ASIC2: variants seen among roughly 807,000 people sequenced by gnomAD.
ASIC2 encodes acid-sensing ion channel 2.
ASIC2 carries 25 observed loss-of-function variants against 57.3 expected under a neutral mutation model. That is an observed-to-expected ratio of 0.44 (90% CI 0.32 to 0.61). ASIC2 has a LOEUF of 0.61. ASIC2 is among the 20% of genes least tolerant of loss of function. The pLI, the probability that ASIC2 is intolerant of heterozygous loss-of-function variation, is 0.06. For missense variants in ASIC2, 641 were observed against 738.1 expected (o/e 0.87, Z 1.52); for synonymous variants, 319 against 307.5 (o/e 1.04, Z -0.39).
intron 1 of ASIC2, among the ~76,000 whole-genome samples, chr17:34,031,136 C>T (rs1466476361): frequency 1.3e-5 from 2 of 152,200 alleles, no homozygotes; most frequent in Non-Finnish European, 2.9e-5. Flanking sequence ...TGACAATTCA[C>T]ATGGCCGGGT....
At chr17:33,167,660 G>A (rs1038036939) in intron 1 of ASIC2, among the ~76,000 whole-genome samples, 2 of 152,056 alleles carry the variant, frequency 1.3e-5, no homozygotes, top group South Asian at 4.2e-4. Context: ...CCTCATTCTG[G>A]CATTCAAGGT....
rs1009194037 is a variant in ASIC2, at chr17:34,142,390, G to T, written c.555+13588C>A. 2.0e-5 allele frequency among the ~76,000 whole-genome samples: 3 copies of T among 152,296 alleles called. No individual in the cohort carries two copies. In the East Asian group the frequency reaches 5.8e-4, roughly 29 times the overall value. On this transcript the variant is annotated intron_variant, in intron 1 of 9. Transcript: ENST00000359872. ...CAGAAATACATATAGTGCTGGATTA[G>T]AAGTCAAAAAGTTTGTGCGTAGGTG...
rs200730865 is a variant in ASIC2 at position 34,083,126 on chromosome 17, C to T, written c.555+72852G>A. Among the ~76,000 whole-genome samples the T allele has an allele frequency of 4.0e-5, 6 of 150,958 alleles. No homozygotes were observed. The East Asian group carries it at 1.2e-3, about 30-fold the overall frequency. On this transcript the variant is annotated intron_variant, in intron 1 of 9. Transcript: ENST00000359872. ...CATGCTGCTGCACTGCACCCACTAACTCGTCATCTAGCATTAGGTATATCT... is the reference window on the plus strand; with the variant it reads ...CATGCTGCTGCACTGCACCCACTAATTCGTCATCTAGCATTAGGTATATCT...
intron 1 of ASIC2, among the ~76,000 whole-genome samples, chr17:33,957,571 C>T (rs1456805043): frequency 6.6e-6 from 1 of 152,092 alleles, no homozygotes; most frequent in Admixed American, 6.5e-5. Context: ...CCTTATAAAA[C>T]CATCAGATCT....
chr17:33,803,204 GT>G, intron 1 of ASIC2, among the ~76,000 whole-genome samples: 1 of 152,306 alleles, frequency 6.6e-6, no homozygotes, highest in East Asian at 1.9e-4. Context: ...GACCACTATT[GT>G]TAGGTGAAAA....
At chr17:33,624,955 G>A (rs1352188670) in intron 1 of ASIC2, among the ~76,000 whole-genome samples, 1 of 152,202 alleles carries the variant, frequency 6.6e-6, no homozygotes, top group Non-Finnish European at 1.5e-5. Flanking sequence ...AATACATTGT[G>A]AAAAGGCACG....
intron 1 of ASIC2, among the ~76,000 whole-genome samples, chr17:33,809,034 A>G (rs1912345769): frequency 6.6e-6 from 1 of 152,206 alleles, no homozygotes; most frequent in Admixed American, 6.5e-5. Flanking sequence ...CAGTGAGGTG[A>G]AAAGTTACGT....
intron 1 of ASIC2, among the ~76,000 whole-genome samples, chr17:33,525,574 C>G (rs977752889): frequency 6.6e-6 from 1 of 152,250 alleles, no homozygotes; most frequent in African/African-American, 2.4e-5. Flanking sequence ...TTATCCCTCA[C>G]TTTATCTCCA....
intron 1 of ASIC2, among the ~76,000 whole-genome samples, chr17:33,626,521 C>T (rs545605201): frequency 2.0e-5 from 3 of 152,214 alleles, no homozygotes; most frequent in East Asian, 3.9e-4. Flanking sequence ...TAACGAAATG[C>T]GCTCTTCTGT....
In ASIC2 at chr17:34,047,506, C is replaced by CAAAAAAAAA. The variant is rs765688526; in HGVS notation, c.555+108471_555+108472insTTTTTTTTT. ...TCTTAACATGATGTACACCTTTCTC[C>CAAAAAAAAA]AGAAAAAAAAAAAAAAAAAAAAAAA... On this transcript the variant is annotated intron_variant, in intron 1 of 9. Coordinates refer to the ASIC2 transcript ENST00000359872. Among the ~76,000 whole-genome samples the CAAAAAAAAA allele has an allele frequency of 4.4e-5, 3 of 68,314 alleles. 1 individual carries two copies. Among genetic ancestry groups the CAAAAAAAAA allele is most frequent in the African/African-American group, 4.7e-5 (1 of 21,168 alleles). The allele number at this position is 68,314 out of a possible 152,430, so 44.8% of individuals were successfully genotyped here. A position where few individuals can be genotyped will look rare whatever the true frequency, so the allele number is the denominator to read the frequency against.
chr17:33,983,263 A>C (rs984891813), intron 1 of ASIC2, among the ~76,000 whole-genome samples: 6 of 152,202 alleles, frequency 3.9e-5, no homozygotes, highest in African/African-American at 1.4e-4. Flanking sequence ...CACTAAGAAA[A>C]GAGTTAATTA....
chr17:33,763,679 C>T (rs1597866299), intron 1 of ASIC2, among the ~76,000 whole-genome samples: 1 of 152,202 alleles, frequency 6.6e-6, no homozygotes, highest in African/African-American at 2.4e-5. Context: ...TTTCTCTTTC[C>T]TCTGCTGCAT....
At chr17:33,193,091 C>T (rs962984585) in intron 1 of ASIC2, among the ~76,000 whole-genome samples, 2 of 152,162 alleles carry the variant, frequency 1.3e-5, no homozygotes, top group Non-Finnish European at 2.9e-5. Context: ...TTTGAAAGTC[C>T]TTTAATGGCA....
intron 1 of ASIC2, among the ~76,000 whole-genome samples, chr17:33,633,596 C>G (rs927187135): frequency 6.6e-6 from 1 of 152,170 alleles, no homozygotes; most frequent in African/African-American, 2.4e-5. Context: ...CCATGTCTGC[C>G]AATTAGCATA....
chr17:33,427,669 C>T (rs1911263145), intron 1 of ASIC2, among the ~76,000 whole-genome samples: 1 of 152,198 alleles, frequency 6.6e-6, no homozygotes, highest in East Asian at 1.9e-4. Context: ...AAGACAAAGG[C>T]AGAGCCTCAG....
At chr17:33,833,809 C>CT (rs112925260) in intron 1 of ASIC2, 27,684 of 152,270 alleles carry the variant, frequency 0.18, 2,810 homozygotes, top group African/African-American at 0.27. Flanking sequence ...AATCTGAGCA[C>CT]TTTAGGTGGC....
intron 1 of ASIC2, among the ~76,000 whole-genome samples, chr17:33,830,004 A>G (rs2881781): frequency 0.82 from 124,576 of 152,214 alleles, 51,383 homozygotes; most frequent in African/African-American, 0.88. Flanking sequence ...ATCACTGAAA[A>G]GGAGGGTGAT....
rs1170382846 is a variant in ASIC2 at position 33,291,474 on chromosome 17, C to A, written c.642G>T (p.Gln214His). ...SAAFMDRLGH[Q>H]LEDMLLSCKY... ...TGCAGGAGAGCAGCATGTCCTCCAGCTGGTGGCCCAGGCGGTCCATGAAGG... is the reference window on the plus strand; with the variant it reads ...TGCAGGAGAGCAGCATGTCCTCCAGATGGTGGCCCAGGCGGTCCATGAAGG... The change falls in exon 1 of 10, where the codon CAG becomes CAT. Residue 214 changes from glutamine (Q) to histidine (H), a missense_variant. By Grantham distance (24) the Gln-to-His change is conservative (BLOSUM62 0). Transcript: ENST00000225823. 6.2e-7 allele frequency: 1 copy of A among 1,612,434 alleles called. No homozygotes were observed. Among genetic ancestry groups the A allele is most frequent in the African/African-American group, 1.3e-5 (1 of 75,048 alleles).
chr17:33,963,272 G>C (rs78288968), intron 1 of ASIC2, among the ~76,000 whole-genome samples: 3 of 152,064 alleles, frequency 2.0e-5, no homozygotes, highest in African/African-American at 7.2e-5. Flanking sequence ...ACGTTGCATC[G>C]CTGTTTTCTG....
Sources: gnomAD v4.1 joint callset for allele counts (sites outside exome capture counted in the v4.1 genomes callset) on GRCh38, gnomAD v4.1.1 for gene constraint, MANE v1.5 for transcripts, NCBI Gene and HGNC (gene_info 2026-07-23, HGNC 2026-07-21) for gene names.